Variants in CABIN1 observed in about 807,000 individuals in gnomAD.
CABIN1 encodes calcineurin-binding protein cabin-1.
CABIN1 carries 133 observed loss-of-function variants against 227.7 expected under a neutral mutation model. The ratio of observed to expected loss-of-function variants is 0.58; its 90% CI spans 0.51 to 0.67. The LOEUF is 0.67. Among genes scored for constraint, CABIN1 ranks in the 30% least tolerant of loss-of-function variants. The pLI is 0.00. For synonymous variants in CABIN1, 1,086 were observed against 1,155.1 expected (o/e 0.94, Z 1.21); for missense variants, 2,408 against 2,852.5 (o/e 0.84, Z 3.55).
intron 15 of CABIN1, among the ~76,000 whole-genome samples, chr22:24,065,769 A>G (rs976342940): frequency 1.3e-5 from 2 of 152,264 alleles, no homozygotes; most frequent in Non-Finnish European, 2.9e-5. Flanking sequence ...CGGGAGGCCG[A>G]GGCTGGCGGA....
At chr22:24,172,945 G>A (rs964791343) in intron 34 of CABIN1, 2 of 152,254 alleles carry the variant, frequency 1.3e-5, no homozygotes, top group African/African-American at 4.8e-5. Context: ...CCTATAATAG[G>A]ACAGGGATAT....
At position 24,118,642 on chromosome 22, in the gene CABIN1, A is replaced by G. The variant is rs374959215; in HGVS notation, c.4301-725A>G. Among the ~76,000 whole-genome samples, 143 of 152,162 alleles carry G rather than the reference A, an allele frequency of 9.4e-4. No individual in the cohort carries two copies. In the Middle Eastern group the frequency reaches 0.014, roughly 14 times the overall value. ...TATCCCTTGCTCCCCAGCCCTTTCC[A>G]TCTGTCCCACCCTCCCGGGCCAGAT... is the stretch of plus-strand genomic sequence containing the variant. On this transcript the variant is annotated intron_variant, in intron 27 of 36. Coordinates refer to ENST00000263119, the MANE Select transcript of CABIN1 (RefSeq NM_012295.4).
chr22:24,012,545 A>G (rs1381370161), intron 1 of CABIN1, among the ~76,000 whole-genome samples: 1 of 152,184 alleles, frequency 6.6e-6, no homozygotes, highest in Non-Finnish European at 1.5e-5. Flanking sequence ...GCCAGGAAAC[A>G]TCCCCAGTTA....
At chr22:24,139,565 CAAA>C (rs71184948) in intron 29 of CABIN1, among the ~76,000 whole-genome samples, 2 of 132,528 alleles carry the variant, frequency 1.5e-5, no homozygotes, top group Non-Finnish European at 1.6e-5. Context: ...GACTCCGTGT[CAAA>C]AAAAAAAAAA....
chr22:24,012,927 A>ATTTTTTTT (rs2034934999), intron 1 of CABIN1, among the ~76,000 whole-genome samples: 1 of 150,956 alleles, frequency 6.6e-6, no homozygotes, highest in African/African-American at 2.4e-5. Context: ...TGCTTGGCTA[A>ATTTTTTTT]TTTTTGTATT....
intron 1 of CABIN1, among the ~76,000 whole-genome samples, chr22:24,020,709 A>G (rs746972913): frequency 7.2e-5 from 11 of 152,160 alleles, no homozygotes; most frequent in Non-Finnish European, 7.4e-5. Context: ...TTAGATAGAC[A>G]CACCTTTCTT....
At position 24,113,695 on chromosome 22, in the gene CABIN1, G is replaced by A. The variant is rs114183458; in HGVS notation, c.4247G>A (p.Ser1416Asn). Residue 1416 changes from serine (S) to asparagine (N), a missense_variant, in exon 27 of 37, where the codon AGT (serine) becomes AAT (asparagine). Ser to Asn is a conservative substitution (Grantham distance 46). This residue lies in a region of CABIN1 where 649 missense variants were observed against 910.3 expected (regional missense o/e 0.71). Coordinates refer to ENST00000263119, the MANE Select transcript of CABIN1 (RefSeq NM_012295.4). ...SYTEKRLPIL[S>N]SQAGATGKDL... is the part of the protein sequence containing the mutation. ...ACAGAGAAGAGGCTGCCCATTCTCAGTTCCCAAGCAGGAGCGACGGGTAAA... is the reference window on the plus strand; with the variant it reads ...ACAGAGAAGAGGCTGCCCATTCTCAATTCCCAAGCAGGAGCGACGGGTAAA... 2.3e-3 allele frequency: 3,707 copies of A among 1,614,032 alleles called. 69 individuals carry two copies. In the African/African-American group the frequency reaches 0.044, roughly 19 times the overall value.
chr22:24,095,945 C>T lies in CABIN1; in HGVS notation c.3801C>T (p.Leu1267=), dbSNP rs773131608. The T allele has an allele frequency of 4.5e-5, 73 of 1,613,950 alleles. No homozygotes were observed. Among genetic ancestry groups the T allele is most frequent in the Non-Finnish European group, 6.1e-5 (72 of 1,180,010 alleles). Residue 1267 remains leucine, a synonymous_variant, in exon 25 of 37, where the codon CTC becomes CTT. Transcript: ENST00000263119. The stretch of plus-strand genomic sequence containing the variant: ...CGTTCTCCTAGGTGTACTTTCGGCT[C>T]CATGCTTCCATCCTGAAGCTCCTGG... ...AMEALEVYFR[L]HASILKLLGK... is the part of the protein sequence containing the mutation.
At chr22:24,057,145 C>T (rs1033849707) in intron 10 of CABIN1, among the ~76,000 whole-genome samples, 14 of 152,146 alleles carry the variant, frequency 9.2e-5, no homozygotes, top group Non-Finnish European at 1.8e-4. Context: ...ACTGTGTTAG[C>T]CAGGATGGTC....
intron 29 of CABIN1, among the ~76,000 whole-genome samples, chr22:24,149,238 C>T (rs2045341298): frequency 6.6e-6 from 1 of 152,228 alleles, no homozygotes; most frequent in Non-Finnish European, 1.5e-5. Context: ...GCCTCAGGCT[C>T]CAATCCTGAC....
intron 29 of CABIN1, among the ~76,000 whole-genome samples, chr22:24,147,938 A>G (rs1472008831): frequency 1.3e-5 from 2 of 152,156 alleles, no homozygotes; most frequent in African/African-American, 2.4e-5. Context: ...GCCCACTCAC[A>G]TTCAGGAAAG....
At chr22:24,051,363 G>T (rs2147311763) in intron 8 of CABIN1, among the ~76,000 whole-genome samples, 2 of 152,154 alleles carry the variant, frequency 1.3e-5, no homozygotes, top group East Asian at 3.9e-4. Flanking sequence ...CCGGGTCTGG[G>T]CTTCTCCGCT....
At chr22:24,092,050 A>G (rs1286406862) in intron 24 of CABIN1, 1 of 646,406 alleles carries the variant, frequency 1.5e-6, no homozygotes, top group East Asian at 2.8e-5. Context: ...TGGGAGAGTG[A>G]CCATTTTGTT....
At chr22:24,054,784 C>A in intron 8 of CABIN1, 89 bp from the exon 9 acceptor site, 1 of 1,550,590 alleles carries the variant, frequency 6.4e-7, no homozygotes, top group Non-Finnish European at 8.9e-7. Context: ...GCAGCTCTGC[C>A]GCCTCTGTGC....
At chr22:24,045,520 A>G (rs2037802029) in intron 6 of CABIN1, among the ~76,000 whole-genome samples, 1 of 150,316 alleles carries the variant, frequency 6.7e-6, no homozygotes, top group Non-Finnish European at 1.5e-5. Flanking sequence ...ACTTGGAAGG[A>G]TCACCTGAAC....
At chr22:24,162,216 G>T (rs780831055) in intron 29 of CABIN1, 2 of 152,292 alleles carry the variant, frequency 1.3e-5, no homozygotes, top group Non-Finnish European at 2.9e-5. Context: ...CGTTCGGGAG[G>T]TATGTCCATC....
rs374323751 is a variant in CABIN1 at position 24,016,538 on chromosome 22, T to G, written c.-75+5171T>G. 5.7e-4 allele frequency among the ~76,000 whole-genome samples: 87 copies of G among 152,366 alleles called. 1 individual carries two copies. The South Asian group carries it at 0.017, about 30-fold the overall frequency. On this transcript the variant is annotated intron_variant, in intron 1 of 36. Transcript: ENST00000263119. ...ACGTTATAATAGTTTATTCATCTAC[T>G]CTCCTATCTATGGCCATTTAAGCTG... is the stretch of plus-strand genomic sequence containing the variant.
intron 33 of CABIN1, chr22:24,170,258 C>A: frequency 2.4e-6 from 1 of 410,990 alleles, no homozygotes; most frequent in South Asian, 1.7e-5. Flanking sequence ...TTCTCTCCTC[C>A]CTTAAGCCCA....
At chr22:24,045,171 G>A (rs536844049) in intron 6 of CABIN1, among the ~76,000 whole-genome samples, 284 of 152,280 alleles carry the variant, frequency 1.9e-3, no homozygotes, top group African/African-American at 5.4e-3. Flanking sequence ...TGATCCGCCC[G>A]CCTTGGCCTC....
Sources: allele counts gnomAD v4.1 joint callset (sites outside exome capture counted in the v4.1 genomes callset), GRCh38; gene constraint gnomAD v4.1.1; regional missense constraint gnomAD v4.1.1; transcripts MANE v1.5; gene names NCBI Gene and HGNC (gene_info 2026-07-23, HGNC 2026-07-21).